Variants in DNMT3B observed in about 807,000 individuals in gnomAD.
The protein encoded by DNMT3B is DNA methyltransferase 3 beta.
A neutral mutation model predicts 120.2 loss-of-function variants in DNMT3B; 37 were observed. The ratio of observed to expected loss-of-function variants is 0.31; its 90% CI spans 0.24 to 0.40. DNMT3B has a LOEUF of 0.40. Ranked by LOEUF, DNMT3B falls within the 10% of genes least tolerant of loss-of-function variation. The probability of loss-of-function intolerance (pLI) is 1.00; values close to 1 mark genes in which losing one functional copy is unlikely to be tolerated. For synonymous variants in DNMT3B, 412 were observed against 442.8 expected (o/e 0.93, Z 0.87); for missense variants, 878 against 1,137.3 (o/e 0.77, Z 3.28).
At chr20:32,786,329 G>A (rs1979279868) in intron 4 of DNMT3B, among the ~76,000 whole-genome samples, 173 bp from the exon 5 acceptor site, 1 of 152,222 alleles carries the variant, frequency 6.6e-6, no homozygotes, top group Non-Finnish European at 1.5e-5. Context: ...AAGAACTGGG[G>A]AATTCTGGCT....
rs74986997 is a variant in DNMT3B, at chr20:32,767,780, G to A, written c.-7+5081G>A. Among the ~76,000 whole-genome samples the A allele has an allele frequency of 3.8e-3, 572 of 152,350 alleles. 4 individuals carry two copies. Among genetic ancestry groups the A allele is most frequent in the East Asian group, 0.016 (84 of 5,184 alleles). On this transcript the variant is annotated intron_variant, in intron 1 of 22. Coordinates refer to ENST00000328111, the MANE Select transcript of DNMT3B (RefSeq NM_006892.4). ...CCTCAGCCTGCATGTCTGAAGAAGA[G>A]TGGTTGTCTCCAGAGCAGCAGGCTG...
intron 1 of DNMT3B, among the ~76,000 whole-genome samples, chr20:32,766,654 G>A (rs1004263998): frequency 2.6e-5 from 4 of 151,862 alleles, no homozygotes; most frequent in Admixed American, 6.6e-5. Context: ...GCGCAGTGGC[G>A]GTTGCTCACT....
At position 32,808,913 on chromosome 20, in the gene DNMT3B, A is replaced by G. The variant is rs1442463561; in HGVS notation, c.*1010A>G. ...AGGCAGTGACAGCAGTCAGGGACAGACATACATTTCTCATACCTTCCCCAC... is the reference window on the plus strand; with the variant it reads ...AGGCAGTGACAGCAGTCAGGGACAGGCATACATTTCTCATACCTTCCCCAC... On this transcript the variant is annotated 3_prime_UTR_variant, in exon 23 of 23. Coordinates refer to ENST00000328111, the MANE Select transcript of DNMT3B (RefSeq NM_006892.4). 1 of 222,802 alleles carries G rather than the reference A, an allele frequency of 4.5e-6. No individual in the cohort carries two copies. The highest frequency in any genetic ancestry group is 9.0e-6 in the Non-Finnish European group (1 of 111,558). 13.8% of individuals were successfully genotyped at this position (222,802 alleles called of 1,614,324 possible).
chr20:32,785,852 G>A (rs1199699440), intron 4 of DNMT3B, among the ~76,000 whole-genome samples: 2 of 150,136 alleles, frequency 1.3e-5, no homozygotes, highest in Non-Finnish European at 2.9e-5. Context: ...ATTTTAGAGT[G>A]AACACGAATT....
At chr20:32,793,465 C>T (rs1421496177) in intron 9 of DNMT3B, 71 bp from the exon 10 acceptor site, 15 of 1,552,464 alleles carry the variant, frequency 9.7e-6, no homozygotes, top group Non-Finnish European at 1.2e-5. Context: ...AAGACCTTGT[C>T]TCAAAAAAGA....
intron 20 of DNMT3B, among the ~76,000 whole-genome samples, 196 bp from the exon 21 acceptor site, chr20:32,805,142 C>T (rs796194172): frequency 6.6e-6 from 1 of 152,166 alleles, no homozygotes; most frequent in South Asian, 2.1e-4. Context: ...CTCCTGGATG[C>T]TGGGCTGTCC....
intron 20 of DNMT3B, 134 bp from the exon 21 acceptor site, chr20:32,805,204 C>A: frequency 1.7e-6 from 2 of 1,145,928 alleles, no homozygotes; most frequent in African/African-American, 1.5e-5. Context: ...ATGCCAGGAT[C>A]ATTTTCATCA....
At position 32,797,190 on chromosome 20, in the gene DNMT3B, C is replaced by T. The variant is rs1169940446; in HGVS notation, c.1381C>T (p.Arg461Cys). The T allele has an allele frequency of 2.5e-6, 4 of 1,613,660 alleles. No homozygotes were observed. Among genetic ancestry groups the T allele is most frequent in the East Asian group, 2.2e-5 (1 of 44,888 alleles). ...GGTGTTTCTCTCTGGCTGCCAGGAT[C>T]GCTTCCTTGAGCTGTTTTACATGTA... ...EGGLCQTCRD[R>C]FLELFYMYDD... The change falls in exon 14 of 23, where the codon CGC becomes TGC. Residue 461 changes from arginine to cysteine, a missense_variant. By Grantham distance (180) the Arg-to-Cys change is radical (BLOSUM62 -3). Transcript: ENST00000328111.
At position 32,795,512 on chromosome 20, in the gene DNMT3B, A is replaced by G; in HGVS notation, c.1230A>G (p.Arg410=). The G allele has an allele frequency of 1.2e-6, 2 of 1,614,156 alleles. No homozygotes were observed. Among genetic ancestry groups the G allele is most frequent in the Non-Finnish European group, 1.7e-6 (2 of 1,180,024 alleles). ...KTNCYNNGKD[R]GDEDQSREQM... ...ATTGCTATAACAACGGCAAAGACCG[A>G]GGGGATGAAGATCAGAGCCGAGGTG... The change falls in exon 11 of 23, where the codon CGA becomes CGG. Residue 410 remains arginine (R), a synonymous_variant. Transcript: ENST00000328111.
At chr20:32,791,944 G>A (rs1335831409) in intron 8 of DNMT3B, among the ~76,000 whole-genome samples, 3 of 152,182 alleles carry the variant, frequency 2.0e-5, no homozygotes, top group African/African-American at 7.2e-5. Context: ...GAAAGAGCAC[G>A]GGCAGTTAGG....
intron 17 of DNMT3B, among the ~76,000 whole-genome samples, 175 bp from the exon 18 acceptor site, chr20:32,800,660 T>C (rs535218250): frequency 1.6e-4 from 24 of 152,276 alleles, no homozygotes; most frequent in Middle Eastern, 6.8e-3. Context: ...GGTTTCTCCA[T>C]GTTGGCCAAG....
intron 20 of DNMT3B, among the ~76,000 whole-genome samples, chr20:32,803,052 T>C (rs1033447025): frequency 1.3e-5 from 2 of 152,164 alleles, no homozygotes; most frequent in East Asian, 3.9e-4. Context: ...GCCAGGCTCA[T>C]GGTGACCAAC....
rs1356661536 is a variant in DNMT3B, at chr20:32,808,308, G to A, written c.*405G>A. 1.3e-5 allele frequency: 4 copies of A among 317,264 alleles called. No individual in the cohort carries two copies. In the East Asian group the frequency reaches 1.5e-4, roughly 12 times the overall value. The allele number at this position is 317,264 out of a possible 1,614,324, so 19.7% of individuals were successfully genotyped here. On this transcript the variant is annotated 3_prime_UTR_variant, in exon 23 of 23. Transcript: ENST00000328111. ...TAATGCTGAAAAATCATCCAAGACAGTTATTGCAAGAGTTTAATTTTTGAA... is the reference window on the plus strand; with the variant it reads ...TAATGCTGAAAAATCATCCAAGACAATTATTGCAAGAGTTTAATTTTTGAA...
chr20:32,786,725 G>A, intron 5 of DNMT3B, 98 bp downstream of exon 5: 2 of 1,585,314 alleles, frequency 1.3e-6, no homozygotes, highest in Admixed American at 1.7e-5. Flanking sequence ...GATAATCTGT[G>A]TCCTTTTTTC....
intron 1 of DNMT3B, among the ~76,000 whole-genome samples, chr20:32,778,851 C>A (rs1988210818): frequency 6.6e-6 from 1 of 152,158 alleles, no homozygotes; most frequent in East Asian, 1.9e-4. Context: ...TGGAGGATCA[C>A]TGAAGCCCTG....
rs577706975 is a variant in DNMT3B at position 32,793,066 on chromosome 20, A to G, written c.1066+296A>G. 1.7e-3 allele frequency among the ~76,000 whole-genome samples: 258 copies of G among 152,346 alleles called. 1 individual carries two copies. The highest frequency in any genetic ancestry group is 5.8e-3 in the African/African-American group (243 of 41,582). ...TTTTTTATTAAAGGAAAAAATAGTT[A>G]AGCTATGCTCATTTGAGAAAATTGG... On this transcript the variant is annotated intron_variant, in intron 9 of 22. Coordinates refer to ENST00000328111, the MANE Select transcript of DNMT3B (RefSeq NM_006892.4).
intron 1 of DNMT3B, 150 bp downstream of exon 1, chr20:32,762,849 C>A (rs189174995): frequency 1.3e-5 from 2 of 152,380 alleles, no homozygotes; most frequent in Non-Finnish European, 2.9e-5. Flanking sequence ...GGAGACCCGG[C>A]TGGGTTTGCG....
intron 8 of DNMT3B, 29 bp from the exon 9 acceptor site, chr20:32,792,597 C>T (rs757508182): frequency 6.2e-7 from 1 of 1,614,140 alleles, no homozygotes; most frequent in Admixed American, 1.7e-5. Context: ...TCCCCACCCC[C>T]CCATTCATCA....
Position 32,798,345 on chromosome 20 carries a change from C to G in DNMT3B, c.1491-115C>G, listed in dbSNP as rs935552512. ...CCCGCAGGCTATGCTGTTAAGCAGCCGATCCTAGGTAAGCTTTCAGGAGGG... is the reference window on the plus strand; with the variant it reads ...CCCGCAGGCTATGCTGTTAAGCAGCGGATCCTAGGTAAGCTTTCAGGAGGG... On this transcript the variant is annotated intron_variant, in intron 14 of 22. Transcript: ENST00000328111. The G allele has an allele frequency of 3.6e-6, 5 of 1,371,460 alleles. No individual in the cohort carries two copies. The African/African-American group carries it at 7.2e-5, about 20-fold the overall frequency. The allele number at this position is 1,371,460 out of a possible 1,614,324, so 85.0% of individuals were successfully genotyped here. A position where few individuals can be genotyped will look rare whatever the true frequency, so the allele number is the denominator to read the frequency against.
Sources: gnomAD v4.1 joint callset for allele counts (sites outside exome capture counted in the v4.1 genomes callset) on GRCh38, gnomAD v4.1.1 for gene constraint, MANE v1.5 for transcripts, NCBI Gene and HGNC (gene_info 2026-07-23, HGNC 2026-07-21) for gene names.